BICDL1: variants seen among roughly 807,000 people sequenced by gnomAD.
BICDL1 encodes the protein BICD family-like cargo adapter 1.
Under a neutral mutation model 76.8 loss-of-function variants are expected in BICDL1, and 20 were observed. That is an observed-to-expected ratio of 0.26 (90% CI 0.18 to 0.38). The LOEUF (loss-of-function observed/expected upper bound fraction) is 0.38, where lower values mean the gene tolerates loss of function less well. Among genes scored for constraint, BICDL1 ranks in the 10% least tolerant of loss-of-function variants. BICDL1 has a pLI of 1.00. For missense variants in BICDL1, 700 were observed against 798.6 expected, an observed-to-expected ratio of 0.88 and a Z score of 1.49; for synonymous variants, 383 against 337.1, an observed-to-expected ratio of 1.14 and a Z score of -1.49.
chr12:120,007,773 C>G (rs1256646739), intron 2 of BICDL1, among the ~76,000 whole-genome samples: 1 of 152,176 alleles, frequency 6.6e-6, no homozygotes, highest in Non-Finnish European at 1.5e-5. Context: ...TCCCAGTTTC[C>G]TTTCTTGGAG....
intron 2 of BICDL1, among the ~76,000 whole-genome samples, chr12:120,028,585 A>C (rs974828424): frequency 6.6e-6 from 1 of 151,870 alleles, no homozygotes; most frequent in Non-Finnish European, 1.5e-5. Flanking sequence ...CTGAGGCAGG[A>C]GAATCACTTG....
chr12:120,058,352 C>A (rs1329484751), intron 2 of BICDL1, among the ~76,000 whole-genome samples: 2 of 152,258 alleles, frequency 1.3e-5, no homozygotes, highest in African/African-American at 4.8e-5. Flanking sequence ...TCTGCAGGAG[C>A]ATTTTATACC....
chr12:120,050,149 T>C (rs1340107689), intron 2 of BICDL1, among the ~76,000 whole-genome samples: 1 of 152,188 alleles, frequency 6.6e-6, no homozygotes, highest in African/African-American at 2.4e-5. Context: ...TTTAAAAAAT[T>C]ACGCGTCTTT....
At position 120,091,880 on chromosome 12, in the gene BICDL1, C is replaced by T. The variant is rs1875004339; in HGVS notation, c.1705-1120C>T. On this transcript the variant is annotated intron_variant, in intron 9 of 9. Coordinates refer to ENST00000548673, the MANE Select transcript of BICDL1 (RefSeq NM_001367886.1). ...TCATCTCGTCAGTGGCTGCTCGGAA[C>T]CAAAGAGGTCATCTGCCCTGGCCAC... 9 of 985,380 alleles carry T rather than the reference C, an allele frequency of 9.1e-6. No homozygotes were observed. In the South Asian group the frequency reaches 3.8e-4, roughly 41 times the overall value. The allele number at this position is 985,380 out of a possible 1,614,324, so 61.0% of individuals were successfully genotyped here.
At chr12:120,078,595 T>C (rs2138975421) in intron 7 of BICDL1, among the ~76,000 whole-genome samples, 1 of 152,290 alleles carries the variant, frequency 6.6e-6, no homozygotes, top group Non-Finnish European at 1.5e-5. Flanking sequence ...CTCGTAATCC[T>C]CAACGACAAC....
Position 120,093,890 on chromosome 12 carries a change from T to C in BICDL1, c.*729T>C. The C allele has an allele frequency of 3.9e-6, 1 of 253,500 alleles. No individual in the cohort carries two copies. The highest frequency in any genetic ancestry group is 4.2e-5 in the South Asian group (1 of 23,690). 15.7% of individuals were successfully genotyped at this position (253,500 alleles called of 1,614,324 possible). A position where few individuals can be genotyped will look rare whatever the true frequency, so the allele number is the denominator to read the frequency against. On this transcript the variant is annotated 3_prime_UTR_variant, in exon 10 of 10. Coordinates refer to ENST00000548673, the MANE Select transcript of BICDL1 (RefSeq NM_001367886.1). ...CCAGGCAGAGTGTTATCACCAGTCATCTGCAGGCTTTAGCCATCCAGCCCT... is the reference window on the plus strand; with the variant it reads ...CCAGGCAGAGTGTTATCACCAGTCACCTGCAGGCTTTAGCCATCCAGCCCT...
Position 120,079,788 on chromosome 12 carries a change from A to G in BICDL1, c.1453-1099A>G, listed in dbSNP as rs983880909. Among the ~76,000 whole-genome samples, 8 of 152,232 alleles carry G rather than the reference A, an allele frequency of 5.3e-5. No homozygotes were observed. The highest frequency in any genetic ancestry group is 1.7e-4 in the African/African-American group (7 of 41,468). ...CAAAACAAGAAAGGGCCATGGGAAA[A>G]GGGACAACAAACAAACTGCCGCCCT... On this transcript the variant is annotated intron_variant, in intron 7 of 9. Coordinates refer to ENST00000548673, the MANE Select transcript of BICDL1 (RefSeq NM_001367886.1). The surrounding 1 kb of genome is among the most constrained non-coding windows in gnomAD (Gnocchi z 4.3).
At chr12:120,051,365 C>A (rs1025531692) in intron 2 of BICDL1, among the ~76,000 whole-genome samples, 3 of 152,160 alleles carry the variant, frequency 2.0e-5, no homozygotes, top group African/African-American at 7.2e-5. Context: ...TATTTTTAAT[C>A]TTTTATTTCT....
intron 2 of BICDL1, among the ~76,000 whole-genome samples, chr12:120,016,418 A>G (rs549073539): frequency 7.1e-6 from 1 of 140,144 alleles, no homozygotes; most frequent in South Asian, 2.4e-4. Context: ...GAATTGCTAT[A>G]TGGTATGTCT....
intron 6 of BICDL1, 46 bp from the exon 7 acceptor site, chr12:120,074,397 C>G (rs1594202377): frequency 5.4e-6 from 6 of 1,118,362 alleles, no homozygotes; most frequent in Non-Finnish European, 6.7e-6. Context: ...CCTATCTCTC[C>G]TGTACCCTTA....
At chr12:120,007,020 TTTTG>T (rs1951863224) in intron 2 of BICDL1, among the ~76,000 whole-genome samples, 1 of 152,086 alleles carries the variant, frequency 6.6e-6, no homozygotes, top group South Asian at 2.1e-4. Flanking sequence ...TGGATATATG[TTTTG>T]AAGGTAGAAC....
intron 2 of BICDL1, among the ~76,000 whole-genome samples, chr12:120,021,116 C>T (rs1051000354): frequency 6.6e-6 from 1 of 151,962 alleles, no homozygotes; most frequent in African/African-American, 2.4e-5. Context: ...AACCCTGTCT[C>T]TACTAAAAAT....
At chr12:119,992,677 G>C (rs1279412605) in intron 1 of BICDL1, 2 of 152,162 alleles carry the variant, frequency 1.3e-5, no homozygotes, top group Non-Finnish European at 2.9e-5. Context: ...GAACCATTGA[G>C]CCTGGCCTGT....
At chr12:120,046,847 C>T (rs1203884975) in intron 2 of BICDL1, among the ~76,000 whole-genome samples, 1 of 152,130 alleles carries the variant, frequency 6.6e-6, no homozygotes, top group East Asian at 1.9e-4. Context: ...TATTATGAGT[C>T]CTCATAGAAC....
chr12:120,010,769 T>TTA (rs1951937955), intron 2 of BICDL1, among the ~76,000 whole-genome samples: 7 of 152,202 alleles, frequency 4.6e-5, no homozygotes, highest in Admixed American at 4.6e-4. Flanking sequence ...AGAAAAATGA[T>TTA]GTGCAGTCAC....
chr12:120,074,354 T>A, intron 6 of BICDL1, 89 bp from the exon 7 acceptor site: 2 of 876,298 alleles, frequency 2.3e-6, no homozygotes, highest in Non-Finnish European at 2.8e-6. Flanking sequence ...CTCCTCTCCT[T>A]CTCTCCCCGA....
chr12:119,994,383 G>GT, intron 1 of BICDL1, among the ~76,000 whole-genome samples: 1 of 149,776 alleles, frequency 6.7e-6, no homozygotes, highest in East Asian at 1.9e-4. Context: ...CATATTGTCA[G>GT]TTTTTTGGTT....
chr12:120,093,278 G>A lies in BICDL1; in HGVS notation c.*117G>A, dbSNP rs1875145416. On this transcript the variant is annotated 3_prime_UTR_variant, in exon 10 of 10. Coordinates refer to ENST00000548673, the MANE Select transcript of BICDL1 (RefSeq NM_001367886.1). ...CAGCTGCCCTGCCCCTCATGCTAGG[G>A]CCCCATGGGTCCGGGAGGGCCTGCT... 1.6e-6 allele frequency: 2 copies of A among 1,237,530 alleles called. No individual in the cohort carries two copies. Among genetic ancestry groups the A allele is most frequent in the East Asian group, 5.1e-5 (2 of 39,012 alleles). The allele number at this position is 1,237,530 out of a possible 1,614,324, so 76.7% of individuals were successfully genotyped here. A position where few individuals can be genotyped will look rare whatever the true frequency, so the allele number is the denominator to read the frequency against.
At chr12:120,048,097 T>C (rs1036693845) in intron 2 of BICDL1, among the ~76,000 whole-genome samples, 1 of 152,232 alleles carries the variant, frequency 6.6e-6, no homozygotes, top group African/African-American at 2.4e-5. Context: ...TCATTATTAC[T>C]GAAATTCCTG....
Sources: allele counts gnomAD v4.1 joint callset (sites outside exome capture counted in the v4.1 genomes callset), GRCh38; gene constraint gnomAD v4.1.1; non-coding constraint Gnocchi (gnomAD v3.1); transcripts MANE v1.5; gene names NCBI Gene and HGNC (gene_info 2026-07-23, HGNC 2026-07-21).